The following SEPTIN4 variants were observed in gnomAD, a reference collection of about 807,000 sequenced individuals.
SEPTIN4 encodes septin 4.
In SEPTIN4, 52 loss-of-function variants were observed where a neutral mutation model predicts 107.1. The ratio of observed to expected loss-of-function variants is 0.49; its 90% confidence interval spans 0.39 to 0.61. The LOEUF is 0.61. Ranked by LOEUF, SEPTIN4 falls within the 20% of genes least tolerant of loss-of-function variation. The pLI is 0.00. For synonymous variants in SEPTIN4, 417 were observed against 467.0 expected (o/e 0.89, Z 1.38); for missense variants, 1,048 against 1,243.5 (o/e 0.84, Z 2.36).
intron 3 of SEPTIN4, among the ~76,000 whole-genome samples, chr17:58,540,170 C>A (rs187483218): frequency 4.1e-4 from 63 of 152,306 alleles, no homozygotes; most frequent in Non-Finnish European, 7.3e-4. Context: ...CAGGACACTG[C>A]CAAATCAGGA....
Position 58,543,199 on chromosome 17 carries a change from C to T in SEPTIN4, c.988G>A (p.Glu330Lys), listed in dbSNP as rs147230591. 247 of 1,614,144 alleles carry T rather than the reference C, an allele frequency of 1.5e-4. No homozygotes were observed. The African/African-American group carries it at 2.7e-3, about 17-fold the overall frequency. The change falls in exon 1 of 14, where the codon GAG becomes AAG. Residue 330 changes from glutamate to lysine, a missense_variant. Physicochemically the swap from Glu to Lys is moderately conservative, Grantham distance 56 (BLOSUM62 1). Around this residue, in one of 2 missense-constraint regions of SEPTIN4, gnomAD observed 787 missense variants for 871.8 expected, o/e 0.90. Transcript: ENST00000672673. Reference sequence around the variant, plus strand: ...GAGATGGTGACCCTGCGGCCAACCTCGCTGTTTCCTCGGATTGGGGTCCTC... The same window carrying T: ...GAGATGGTGACCCTGCGGCCAACCTTGCTGTTTCCTCGGATTGGGGTCCTC... ...NVRTPIRGNS[E>K]VGRRVTISPG...
intron 7 of SEPTIN4, among the ~76,000 whole-genome samples, chr17:58,524,408 C>A (rs1181083524): frequency 6.6e-6 from 1 of 152,196 alleles, no homozygotes; most frequent in Admixed American, 6.5e-5. Context: ...ACCCTCCCTC[C>A]ATACATGCCC....
In SEPTIN4 at chr17:58,540,676, G is replaced by A. The variant is rs1333857726; in HGVS notation, c.1607-3C>T. 5 of 1,356,100 alleles carry A rather than the reference G, an allele frequency of 3.7e-6. No homozygotes were observed. The highest frequency in any genetic ancestry group is 4.7e-6 in the Non-Finnish European group (5 of 1,059,242). The allele number at this position is 1,356,100 out of a possible 1,614,324, so 84.0% of individuals were successfully genotyped here. ...CAGGGGCATTCTTACCTCCTCATCT[G>A]TCATAACAGAGTAGAAGCCAGGCAT... On this transcript the variant is annotated splice_region_variant and splice_polypyrimidine_tract_variant and intron_variant, in intron 2 of 13. Transcript: ENST00000672673.
chr17:58,523,881 T>C (rs1043852220), intron 7 of SEPTIN4, among the ~76,000 whole-genome samples: 4 of 152,070 alleles, frequency 2.6e-5, no homozygotes, highest in Non-Finnish European at 5.9e-5. Flanking sequence ...TTCAAATCAA[T>C]TGGAGAGGTG....
intron 3 of SEPTIN4, 86 bp downstream of exon 3, chr17:58,540,580 C>T (rs2043852190): frequency 9.1e-7 from 1 of 1,102,292 alleles, no homozygotes; most frequent in South Asian, 2.7e-5. Context: ...CCCTCCATGC[C>T]CACTCCCATT....
At chr17:58,532,752 G>A (rs75904261) in intron 3 of SEPTIN4, among the ~76,000 whole-genome samples, 1 of 152,174 alleles carries the variant, frequency 6.6e-6, no homozygotes. Flanking sequence ...CAACCCAGGC[G>A]TGACCCAGGC....
intron 5 of SEPTIN4, 168 bp from the exon 6 acceptor site, chr17:58,525,949 G>A: frequency 1.2e-6 from 1 of 867,624 alleles, no homozygotes; most frequent in Non-Finnish European, 1.7e-6. Flanking sequence ...ATTGGCTTGG[G>A]GGAGCAAGAG....
In SEPTIN4 at chr17:58,521,318, G is replaced by A; in HGVS notation, c.2604C>T (p.Asn868=). 6.2e-7 allele frequency: 1 copy of A among 1,614,218 alleles called. No homozygotes were observed. The highest frequency in any genetic ancestry group is 2.2e-5 in the East Asian group (1 of 44,884). Residue 868 remains asparagine, a synonymous_variant, in exon 11 of 14, where the codon AAC becomes AAT. Transcript: ENST00000672673. This position sits in a 1 kb window ranked among gnomAD's most constrained non-coding sequence, Gnocchi z 6.4. Reference sequence around the variant, plus strand: ...GCCGCCCTCTGGCCTCTACTACAGTGTTGCTGCCAATTACTGCAAATGGGA... The same window carrying A: ...GCCGCCCTCTGGCCTCTACTACAGTATTGCTGCCAATTACTGCAAATGGGA... The part of the protein sequence containing the change: ...ESIPFAVIGS[N]TVVEARGRRV...
At chr17:58,534,251 CCCA>C (rs1233916043) in intron 3 of SEPTIN4, among the ~76,000 whole-genome samples, 1 of 152,236 alleles carries the variant, frequency 6.6e-6, no homozygotes, top group Non-Finnish European at 1.5e-5. Context: ...TTTGAGCCAT[CCCA>C]CCTGCACAAG....
At chr17:58,539,490 A>G (rs1233466401) in intron 3 of SEPTIN4, among the ~76,000 whole-genome samples, 1 of 152,108 alleles carries the variant, frequency 6.6e-6, no homozygotes, top group Non-Finnish European at 1.5e-5. Context: ...TCCGCTACCC[A>G]TCTCCCTGCA....
chr17:58,520,302 A>T lies in SEPTIN4; in HGVS notation c.*124T>A, dbSNP rs1227483122. Reference sequence around the variant, plus strand: ...CTTTATTTCCTCTGAGTCTCTGGGCAGTCAGCAGGGATGTAAGGCGAAGTG... The same window carrying T: ...CTTTATTTCCTCTGAGTCTCTGGGCTGTCAGCAGGGATGTAAGGCGAAGTG... On this transcript the variant is annotated 3_prime_UTR_variant, in exon 14 of 14. Coordinates refer to ENST00000672673, the MANE Select transcript of SEPTIN4 (RefSeq NM_001368771.2). The T allele has an allele frequency of 2.6e-6, 2 of 781,864 alleles. No homozygotes were observed. Among genetic ancestry groups the T allele is most frequent in the Non-Finnish European group, 4.3e-6 (2 of 470,582 alleles). 48.4% of individuals were successfully genotyped at this position (781,864 alleles called of 1,614,324 possible). A position where few individuals can be genotyped will look rare whatever the true frequency, so the allele number is the denominator to read the frequency against.
Position 58,521,760 on chromosome 17 carries a change from G to A in SEPTIN4, c.2445C>T (p.Pro815=), listed in dbSNP as rs148239346. ...ILAKADTLTP[P]EVDHKKRKIR... Reference sequence around the variant, plus strand: ...CTTTGCGTTTCTTGTGGTCCACTTCGGGAGGTGTCAGTGTGTCTGCCTTAG... The same window carrying A: ...CTTTGCGTTTCTTGTGGTCCACTTCAGGAGGTGTCAGTGTGTCTGCCTTAG... Residue 815 remains proline, a synonymous_variant, in exon 9 of 14, where the codon CCC becomes CCT. Transcript: ENST00000672673. The surrounding 1 kb of genome is among the most constrained non-coding windows in gnomAD (Gnocchi z 6.4). 7.4e-5 allele frequency: 119 copies of A among 1,614,204 alleles called. 1 individual carries two copies. Among genetic ancestry groups the A allele is most frequent in the African/African-American group, 6.4e-4 (48 of 75,046 alleles).
intron 3 of SEPTIN4, 107 bp from the exon 4 acceptor site, chr17:58,527,085 A>G: frequency 1.3e-6 from 2 of 1,569,860 alleles, no homozygotes; most frequent in Non-Finnish European, 1.7e-6. Flanking sequence ...AGGGAAAGGG[A>G]AAGCACTTGT....
intron 3 of SEPTIN4, among the ~76,000 whole-genome samples, chr17:58,536,301 C>G (rs1002630467): frequency 1.3e-5 from 2 of 152,184 alleles, no homozygotes; most frequent in Non-Finnish European, 2.9e-5. Flanking sequence ...TAGCTATTAT[C>G]TCCATTAATA....
In SEPTIN4 at chr17:58,520,526, G is replaced by C. The variant is rs372096533; in HGVS notation, c.2932-41C>G. 24 of 1,610,160 alleles carry C rather than the reference G, an allele frequency of 1.5e-5. No individual in the cohort carries two copies. In the African/African-American group the frequency reaches 2.7e-4, roughly 18 times the overall value. On this transcript the variant is annotated intron_variant, in intron 13 of 13. Transcript: ENST00000672673. ...GCATCAAAATGGGGACTTTTGGAGA[G>C]TCCTTTAGTATTGGGAAAGTGCCCC...
intron 3 of SEPTIN4, chr17:58,532,429 G>T (rs1196715878): frequency 1.3e-5 from 2 of 152,482 alleles, no homozygotes; most frequent in Non-Finnish European, 2.9e-5. Flanking sequence ...GAGTTGGAGA[G>T]AAACCATTAG....
At chr17:58,540,938 T>C (rs1317480649) in intron 2 of SEPTIN4, 5 of 357,776 alleles carry the variant, frequency 1.4e-5, no homozygotes, top group Non-Finnish European at 2.5e-5. Flanking sequence ...GGAGCCATTA[T>C]TCTCAGTAAC....
chr17:58,534,988 T>C (rs1419543143), intron 3 of SEPTIN4, among the ~76,000 whole-genome samples: 2 of 152,200 alleles, frequency 1.3e-5, no homozygotes, highest in African/African-American at 2.4e-5. Flanking sequence ...GTAGCTAAGT[T>C]TCCCTAAAGT....
chr17:58,529,021 G>T, intron 3 of SEPTIN4: 1 of 1,483,612 alleles, frequency 6.7e-7, no homozygotes. Flanking sequence ...AGCTCTGCCA[G>T]TGACCAAATC....
Sources: allele counts gnomAD v4.1 joint callset (sites outside exome capture counted in the v4.1 genomes callset), GRCh38; gene constraint gnomAD v4.1.1; regional missense constraint gnomAD v4.1.1; non-coding constraint Gnocchi (gnomAD v3.1); transcripts MANE v1.5; gene names NCBI Gene and HGNC (gene_info 2026-07-23, HGNC 2026-07-21).